Variants in FARS2 observed in about 807,000 individuals in gnomAD.
The protein encoded by FARS2 is phenylalanine--tRNA ligase, mitochondrial.
In FARS2, 40 loss-of-function variants were observed where a neutral mutation model predicts 46.4. That is an observed-to-expected ratio of 0.86 (90% CI 0.67 to 1.12). FARS2 has a LOEUF of 1.12. Ranked by LOEUF, FARS2 falls within the 50% of genes most tolerant of loss-of-function variation. The pLI, the probability that FARS2 is intolerant of heterozygous loss-of-function variation, is 0.00. For synonymous variants in FARS2, 234 were observed against 214.9 expected (o/e 1.09, Z -0.78); for missense variants, 513 against 567.9 (o/e 0.90, Z 0.98).
At chr6:5,603,297 C>T (rs986978481) in intron 5 of FARS2, among the ~76,000 whole-genome samples, 1 of 152,108 alleles carries the variant, frequency 6.6e-6, no homozygotes, top group Non-Finnish European at 1.5e-5. Context: ...GTTTTCGCCA[C>T]GTTGGCCAGG....
chr6:5,764,742 T>G lies in FARS2; in HGVS notation c.1218-6549T>G, dbSNP rs1582900923. Among the ~76,000 whole-genome samples, 2 of 152,294 alleles carry G rather than the reference T, an allele frequency of 1.3e-5. No individual in the cohort carries two copies. The highest frequency in any genetic ancestry group is 3.9e-4 in the East Asian group (2 of 5,174). ...TTGTGGATGTTGCAGGAGCTGGGATTTGGCTGGATCCCCTGGAAAGGTTTT... is the reference window on the plus strand; with the variant it reads ...TTGTGGATGTTGCAGGAGCTGGGATGTGGCTGGATCCCCTGGAAAGGTTTT... On this transcript the variant is annotated intron_variant, in intron 6 of 6. Coordinates refer to ENST00000274680, the MANE Select transcript of FARS2 (RefSeq NM_006567.5). This position sits in a 1 kb window ranked among gnomAD's most constrained non-coding sequence, Gnocchi z 4.1.
chr6:5,686,846 C>T (rs1474959111), intron 6 of FARS2, among the ~76,000 whole-genome samples: 1 of 152,224 alleles, frequency 6.6e-6, no homozygotes, highest in Non-Finnish European at 1.5e-5. Context: ...TATTTCTCCA[C>T]ATCCTCTCCA....
At chr6:5,474,667 T>TG (rs1554099255) in intron 4 of FARS2, among the ~76,000 whole-genome samples, 5 of 149,874 alleles carry the variant, frequency 3.3e-5, no homozygotes, top group African/African-American at 1.2e-4. Context: ...AGTACTGTTT[T>TG]TTTTTTTTTT....
chr6:5,710,462 A>G (rs755857493), intron 6 of FARS2, among the ~76,000 whole-genome samples: 1 of 152,146 alleles, frequency 6.6e-6, no homozygotes, highest in Non-Finnish European at 1.5e-5. Flanking sequence ...AATAAGTGCA[A>G]CAAGGGTTTT....
chr6:5,503,533 C>T (rs1179887772), intron 4 of FARS2, among the ~76,000 whole-genome samples: 1 of 151,400 alleles, frequency 6.6e-6, no homozygotes, highest in African/African-American at 2.4e-5. Context: ...ACCGCAAGTA[C>T]ATATGATTTT....
chr6:5,359,476 T>A (rs754761827), intron 1 of FARS2, among the ~76,000 whole-genome samples: 1 of 152,218 alleles, frequency 6.6e-6, no homozygotes, highest in Admixed American at 6.5e-5. Flanking sequence ...AAGGTAGCTA[T>A]TACAAAAGAA....
intron 1 of FARS2, among the ~76,000 whole-genome samples, chr6:5,290,386 T>G (rs1290770759): frequency 6.6e-6 from 1 of 152,198 alleles, no homozygotes. Context: ...AAGTTACCTC[T>G]GAGATTGCAA....
intron 6 of FARS2, among the ~76,000 whole-genome samples, chr6:5,690,725 C>G (rs1757640024): frequency 6.6e-6 from 1 of 152,116 alleles, no homozygotes; most frequent in Non-Finnish European, 1.5e-5. Context: ...TCTGTATTTC[C>G]TGAATTTGAA....
intron 6 of FARS2, among the ~76,000 whole-genome samples, chr6:5,759,632 C>T (rs1262826080): frequency 6.6e-6 from 1 of 152,120 alleles, no homozygotes. Context: ...GTGGTCCTGG[C>T]GTTTCCTAGC....
At chr6:5,665,157 T>C (rs962632847) in intron 6 of FARS2, 1 of 152,270 alleles carries the variant, frequency 6.6e-6, no homozygotes, top group African/African-American at 2.4e-5. Flanking sequence ...GAGACCATTG[T>C]CCTGAGGAAG....
At chr6:5,533,783 A>T (rs1015327743) in intron 4 of FARS2, among the ~76,000 whole-genome samples, 1 of 152,210 alleles carries the variant, frequency 6.6e-6, no homozygotes, top group South Asian at 2.1e-4. Flanking sequence ...CCTGAAACAG[A>T]TGGAAGACCG....
chr6:5,600,636 T>G (rs1236061253), intron 5 of FARS2, among the ~76,000 whole-genome samples: 1 of 152,232 alleles, frequency 6.6e-6, no homozygotes, highest in Non-Finnish European at 1.5e-5. Flanking sequence ...ATGCTATTTT[T>G]TATAGGTAAA....
chr6:5,353,428 C>T (rs1051322002), intron 1 of FARS2, among the ~76,000 whole-genome samples: 4 of 152,144 alleles, frequency 2.6e-5, no homozygotes, highest in African/African-American at 9.7e-5. Context: ...CATAGTGGGA[C>T]TGCTGGATCA....
chr6:5,341,235 A>ATATTTTT (rs1561970178), intron 1 of FARS2, among the ~76,000 whole-genome samples: 7 of 10,274 alleles, frequency 6.8e-4, no homozygotes, highest in Non-Finnish European at 9.9e-4. Flanking sequence ...ATATATATAT[A>ATATTTTT]TTTTTTTTTT....
chr6:5,699,204 A>G (rs1468789309), intron 6 of FARS2, among the ~76,000 whole-genome samples: 4 of 152,154 alleles, frequency 2.6e-5, no homozygotes, highest in Non-Finnish European at 4.4e-5. Flanking sequence ...AATCATTCAG[A>G]CTTCTCAAGC....
At chr6:5,451,783 C>T (rs776304929) in intron 4 of FARS2, 1 of 152,198 alleles carries the variant, frequency 6.6e-6, no homozygotes. Flanking sequence ...GGAAAGGTAA[C>T]AATCAGCTGG....
intron 5 of FARS2, among the ~76,000 whole-genome samples, chr6:5,555,839 GA>G (rs1263857107): frequency 2.0e-5 from 3 of 152,078 alleles, no homozygotes; most frequent in Non-Finnish European, 4.4e-5. Context: ...ACCAATCATA[GA>G]ACCTTTTATA....
intron 1 of FARS2, among the ~76,000 whole-genome samples, chr6:5,325,782 A>G (rs1465507459): frequency 6.6e-6 from 1 of 152,234 alleles, no homozygotes; most frequent in Non-Finnish European, 1.5e-5. Context: ...TTTGCAATAT[A>G]TATGATGGAT....
intron 2 of FARS2, among the ~76,000 whole-genome samples, chr6:5,378,267 T>C (rs1001743738): frequency 6.6e-6 from 1 of 152,164 alleles, no homozygotes; most frequent in Non-Finnish European, 1.5e-5. Flanking sequence ...CAAACCACTG[T>C]CCTCAACCAC....
Sources: gnomAD v4.1 joint callset for allele counts (sites outside exome capture counted in the v4.1 genomes callset) on GRCh38, gnomAD v4.1.1 for gene constraint, Gnocchi (gnomAD v3.1) non-coding constraint, MANE v1.5 for transcripts, NCBI Gene and HGNC (gene_info 2026-07-23, HGNC 2026-07-21) for gene names.